The following SCN7A variants were observed in gnomAD, a reference collection of about 807,000 sequenced individuals.
SCN7A encodes sodium voltage-gated channel alpha subunit 7.
A neutral mutation model predicts 155.2 loss-of-function variants in SCN7A; 138 were observed. The observed-to-expected ratio is 0.89, with a 90% confidence interval of 0.77 to 1.02. SCN7A has a LOEUF of 1.02. Among genes scored for constraint, SCN7A ranks in the 50% least tolerant of loss-of-function variants. SCN7A has a pLI of 0.00. For synonymous variants in SCN7A, 693 were observed against 649.0 expected (o/e 1.07, Z -1.03); for missense variants, 2,058 against 1,986.6 (o/e 1.04, Z -0.68).
intron 15 of SCN7A, among the ~76,000 whole-genome samples, chr2:166,440,153 G>T (rs1033446686): frequency 5.3e-4 from 81 of 152,222 alleles, no homozygotes; most frequent in African/African-American, 1.9e-3. Flanking sequence ...TAGACCAGGG[G>T]TTTTCAATCT....
intron 16 of SCN7A, among the ~76,000 whole-genome samples, chr2:166,431,775 C>T (rs1280781589): frequency 6.6e-6 from 1 of 151,790 alleles, no homozygotes; most frequent in Non-Finnish European, 1.5e-5. Flanking sequence ...TCCTTTAGTC[C>T]AACTTAATTA....
At chr2:166,479,822 C>T (rs1285196111) in intron 2 of SCN7A, among the ~76,000 whole-genome samples, 1 of 151,484 alleles carries the variant, frequency 6.6e-6, no homozygotes, top group African/African-American at 2.4e-5. Context: ...TTTCTTATGC[C>T]CAAGTCCCTC....
chr2:166,430,241 GA>G (rs1485534948), intron 16 of SCN7A, among the ~76,000 whole-genome samples: 1 of 151,914 alleles, frequency 6.6e-6, no homozygotes, highest in African/African-American at 2.4e-5. Flanking sequence ...AAGTGTCAAG[GA>G]AATATAATTA....
At chr2:166,475,093 C>CGTATATATGTGTATATATATATATATAT (rs1193173809) in intron 3 of SCN7A, among the ~76,000 whole-genome samples, 1 of 129,562 alleles carries the variant, frequency 7.7e-6, no homozygotes, top group African/African-American at 2.8e-5. Context: ...TATATATATA[C>CGTATATATGTGTATATATATATATATAT]ACATATATAT....
chr2:166,475,122 A>ATATATACGTATATATATATATATATATG (rs71031250), intron 3 of SCN7A, among the ~76,000 whole-genome samples: 1 of 93,836 alleles, frequency 1.1e-5, no homozygotes. Context: ...ATATATATAC[A>ATATATACGTATATATATATATATATATG]TATATATATA....
intron 24 of SCN7A, 121 bp downstream of exon 24, chr2:166,410,099 A>G (rs1157354019): frequency 9.0e-7 from 1 of 1,107,404 alleles, no homozygotes; most frequent in Non-Finnish European, 1.3e-6. Flanking sequence ...AAACAAAATG[A>G]CCATGAAAAG....
rs1464943233 is a variant in SCN7A, at chr2:166,462,536, G to T, written c.942-6C>A. 2 of 1,611,276 alleles carry T rather than the reference G, an allele frequency of 1.2e-6. No homozygotes were observed. The highest frequency in any genetic ancestry group is 1.7e-6 in the Non-Finnish European group (2 of 1,179,068). On this transcript the variant is annotated splice_region_variant and splice_polypyrimidine_tract_variant and intron_variant, in intron 9 of 25. Transcript: ENST00000643258. ...CATATCCTTCAGGACACTGACTAAAGAAGACAAAGAAAAAAACCTGCTTAC... is the reference window on the plus strand; with the variant it reads ...CATATCCTTCAGGACACTGACTAAATAAGACAAAGAAAAAAACCTGCTTAC...
chr2:166,475,591 A>G (rs1483314420), intron 3 of SCN7A, among the ~76,000 whole-genome samples: 1 of 151,862 alleles, frequency 6.6e-6, no homozygotes, highest in Non-Finnish European at 1.5e-5. Context: ...AATAAAAATT[A>G]AAAAGAGCCA....
chr2:166,491,619 C>T (rs1022184581), intron 1 of SCN7A, among the ~76,000 whole-genome samples: 2 of 152,078 alleles, frequency 1.3e-5, no homozygotes, highest in Non-Finnish European at 2.9e-5. Context: ...TGAGACCTCA[C>T]TTGTCTGGTT....
In SCN7A at chr2:166,436,213, CAT is replaced by C. The variant is rs775350957; in HGVS notation, c.2158-3463_2158-3462del. The C allele has an allele frequency of 7.0e-4, 142 of 203,052 alleles. 1 individual carries two copies. The highest frequency in any genetic ancestry group is 1.2e-3 in the Admixed American group (21 of 17,258). The allele number at this position is 203,052 out of a possible 1,614,324, so 12.6% of individuals were successfully genotyped here. A position where few individuals can be genotyped will look rare whatever the true frequency, so the allele number is the denominator to read the frequency against. ...AAATCTCATCTTGAATTGTAGTTCT[CAT>C]AATCCCCACATGTTGTGGGAGGGAA... On this transcript the variant is annotated intron_variant, in intron 15 of 25. Coordinates refer to ENST00000643258, the MANE Select transcript of SCN7A (RefSeq NM_002976.4).
chr2:166,416,638 G>T, intron 21 of SCN7A, 69 bp downstream of exon 21: 1 of 1,322,758 alleles, frequency 7.6e-7, no homozygotes, highest in Non-Finnish European at 1.0e-6. Flanking sequence ...CCCACATTTT[G>T]TCCTTTGCAT....
rs762468609 is a variant in SCN7A at position 166,477,636 on chromosome 2, T to C, written c.61A>G (p.Ile21Val). Reference protein sequence around the residue: ...VPFTKESFELIKQHIAKTHNE... With the variant: ...VPFTKESFELVKQHIAKTHNE... ...TGTGTTTTAGCAATATGCTGTTTTA[T>C]AAGTTCAAAAGACTCTTTAGTGAAG... The change falls in exon 3 of 26, where the codon ATA (isoleucine) becomes GTA (valine). Residue 21 changes from isoleucine (I) to valine (V), a missense_variant. Physicochemically the swap from Ile to Val is conservative, Grantham distance 29 (BLOSUM62 3). Coordinates refer to ENST00000643258, the MANE Select transcript of SCN7A (RefSeq NM_002976.4). The C allele has an allele frequency of 3.7e-6, 6 of 1,606,870 alleles. No homozygotes were observed. In the East Asian group the frequency reaches 1.3e-4, roughly 36 times the overall value.
intron 16 of SCN7A, among the ~76,000 whole-genome samples, chr2:166,429,799 A>T (rs938487768): frequency 6.6e-6 from 1 of 152,000 alleles, no homozygotes; most frequent in Admixed American, 6.6e-5. Flanking sequence ...CACAAGAAAT[A>T]GGGACAAGAA....
rs111795980 is a variant in SCN7A at position 166,411,747 on chromosome 2, C to A, written c.3606+783G>T. On this transcript the variant is annotated intron_variant, in intron 23 of 25. Transcript: ENST00000643258. Reference sequence around the variant, plus strand: ...GGTAATCAGGTTAGGTACTACCCTGCGGTTTCAGGCATCCACTGGAGGTCT... The same window carrying A: ...GGTAATCAGGTTAGGTACTACCCTGAGGTTTCAGGCATCCACTGGAGGTCT... 3.3e-5 allele frequency among the ~76,000 whole-genome samples: 5 copies of A among 152,122 alleles called. No homozygotes were observed. In the East Asian group the frequency reaches 9.7e-4, roughly 30 times the overall value.
Position 166,465,893 on chromosome 2 carries a change from T to C in SCN7A, c.759A>G (p.Leu253=), listed in dbSNP as rs759146645. 1 of 1,613,744 alleles carries C rather than the reference T, an allele frequency of 6.2e-7. No homozygotes were observed. The highest frequency in any genetic ancestry group is 1.7e-5 in the Admixed American group (1 of 59,986). Residue 253 remains leucine, a synonymous_variant, in exon 8 of 26, where the codon CTA becomes CTG. Coordinates refer to ENST00000643258, the MANE Select transcript of SCN7A (RefSeq NM_002976.4). ...LTLFFLSIFS[L]IGMGLFMGNL... is the part of the protein sequence containing the mutation. ...TGCCCATGAAGAGCCCCATCCCAAT[T>C]AGAGAAAATATGCTCAGAAAAAACA...
At chr2:166,464,472 T>C (rs1396468930) in intron 9 of SCN7A, among the ~76,000 whole-genome samples, 7 of 152,138 alleles carry the variant, frequency 4.6e-5, no homozygotes, top group African/African-American at 1.7e-4. Context: ...TCTGAAATTA[T>C]AGGACAATGA....
At chr2:166,430,755 T>C (rs931556080) in intron 16 of SCN7A, among the ~76,000 whole-genome samples, 28 of 151,964 alleles carry the variant, frequency 1.8e-4, no homozygotes, top group Admixed American at 5.3e-4. Flanking sequence ...TATATATGCA[T>C]ATTTTTAATA....
chr2:166,440,329 T>C (rs1012868149), intron 15 of SCN7A, among the ~76,000 whole-genome samples: 1 of 152,182 alleles, frequency 6.6e-6, no homozygotes, highest in Non-Finnish European at 1.5e-5. Context: ...ACAGCAGTGT[T>C]ACATTTAAGT....
At chr2:166,462,277 C>A (rs1702430793) in intron 10 of SCN7A, 112 bp downstream of exon 10, 2 of 1,155,868 alleles carry the variant, frequency 1.7e-6, no homozygotes, top group African/African-American at 3.1e-5. Flanking sequence ...CTTTTGTCTT[C>A]CAATTCTTCT....
Sources: allele counts gnomAD v4.1 joint callset (sites outside exome capture counted in the v4.1 genomes callset), GRCh38; gene constraint gnomAD v4.1.1; transcripts MANE v1.5; gene names NCBI Gene and HGNC (gene_info 2026-07-23, HGNC 2026-07-21).